The following PCDHA1 variants were observed in gnomAD, a reference collection of about 807,000 sequenced individuals.
PCDHA1 encodes the protein protocadherin alpha 1.
In PCDHA1, 42 loss-of-function variants were observed where a neutral mutation model predicts 61.3. That is an observed-to-expected ratio of 0.69 (90% CI 0.54 to 0.89). PCDHA1 has a LOEUF of 0.89. Among genes scored for constraint, PCDHA1 ranks in the 40% least tolerant of loss-of-function variants. PCDHA1 has a pLI of 0.00. For synonymous variants in PCDHA1, 610 were observed against 553.8 expected (o/e 1.10, Z -1.43); for missense variants, 1,256 against 1,235.3 (o/e 1.02, Z -0.25).
intron 1 of PCDHA1, among the ~76,000 whole-genome samples, chr5:140,939,634 G>C (rs1032922800): frequency 3.9e-5 from 6 of 152,066 alleles, no homozygotes; most frequent in African/African-American, 7.2e-5. Context: ...AATCAATAAG[G>C]GTACTGAAAA....
At chr5:140,795,602 T>A (rs1761973862) in intron 1 of PCDHA1, 1 of 1,614,026 alleles carries the variant, frequency 6.2e-7, no homozygotes, top group African/African-American at 1.3e-5. Flanking sequence ...TTGTTACTGG[T>A]GGCTACTGAT....
intron 1 of PCDHA1, among the ~76,000 whole-genome samples, chr5:140,915,921 T>C (rs2077370703): frequency 6.6e-6 from 1 of 152,286 alleles, no homozygotes; most frequent in African/African-American, 2.4e-5. Context: ...GAGATGCTAC[T>C]TGGGAGTCAG....
intron 3 of PCDHA1, among the ~76,000 whole-genome samples, chr5:140,993,460 T>TCACACACACA (rs1554253699): frequency 5.7e-5 from 6 of 104,506 alleles, no homozygotes; most frequent in African/African-American, 7.8e-5. Flanking sequence ...CTTCTTTCTT[T>TCACACACACA]CTCACACACA....
chr5:140,992,017 C>CTGTGTG (rs10602499), intron 3 of PCDHA1, among the ~76,000 whole-genome samples: 2,290 of 145,594 alleles, frequency 0.016, 56 homozygotes, highest in African/African-American at 0.05. Flanking sequence ...AGAGGTGGCT[C>CTGTGTG]TGTGTGTGTG....
At chr5:140,858,197 A>G (rs782680459) in intron 1 of PCDHA1, 4 of 1,597,058 alleles carry the variant, frequency 2.5e-6, no homozygotes, top group Non-Finnish European at 2.6e-6. Flanking sequence ...GCTGCTGTAC[A>G]CTGCACTGAG....
At chr5:140,828,836 G>A (rs1554131583) in intron 1 of PCDHA1, 19 of 1,614,108 alleles carry the variant, frequency 1.2e-5, no homozygotes, top group Non-Finnish European at 1.5e-5. Context: ...TGAATACGAA[G>A]TAAGAATATT....
chr5:140,967,019 C>T (rs887648506), intron 1 of PCDHA1: 1 of 1,607,542 alleles, frequency 6.2e-7, no homozygotes, highest in Non-Finnish European at 8.5e-7. Flanking sequence ...TCTGGGTGCG[C>T]CCAGTCCGCG....
intron 1 of PCDHA1, among the ~76,000 whole-genome samples, chr5:140,886,962 G>A (rs1017446014): frequency 6.6e-6 from 1 of 151,842 alleles, no homozygotes; most frequent in African/African-American, 2.4e-5. Context: ...ATTTAGCAAC[G>A]AAATTTATTA....
intron 1 of PCDHA1, among the ~76,000 whole-genome samples, chr5:140,943,364 C>T (rs1463652865): frequency 6.6e-6 from 1 of 150,620 alleles, no homozygotes; most frequent in Non-Finnish European, 1.5e-5. Context: ...GAAAGGAGAT[C>T]ATTAAAATAT....
At chr5:140,907,093 C>A (rs1303875069) in intron 1 of PCDHA1, among the ~76,000 whole-genome samples, 2 of 152,090 alleles carry the variant, frequency 1.3e-5, no homozygotes, top group Non-Finnish European at 2.9e-5. Flanking sequence ...GTAAGTGGTG[C>A]CACTTCCACT....
chr5:140,862,862 C>T (rs782494104), intron 1 of PCDHA1: 1 of 507,446 alleles, frequency 2.0e-6, no homozygotes, highest in African/African-American at 3.1e-5. Flanking sequence ...AGCAATGTGA[C>T]GCTGCCAGGT....
chr5:140,946,031 G>A (rs1275615718), intron 1 of PCDHA1, among the ~76,000 whole-genome samples: 2 of 151,984 alleles, frequency 1.3e-5, no homozygotes, highest in African/African-American at 2.4e-5. Flanking sequence ...AAGAAAACAA[G>A]AGTGAAGGGA....
At chr5:140,843,559 G>A in intron 1 of PCDHA1, 1 of 1,595,950 alleles carries the variant, frequency 6.3e-7, no homozygotes, top group Non-Finnish European at 8.6e-7. Flanking sequence ...GTGCGGTGGG[G>A]AGCTGGTCAT....
intron 1 of PCDHA1, chr5:140,796,378 T>G: frequency 6.2e-7 from 1 of 1,613,502 alleles, no homozygotes; most frequent in Non-Finnish European, 8.5e-7. Context: ...CCCGCCGGGC[T>G]GCCACATCTT....
chr5:140,869,722 G>A, intron 1 of PCDHA1: 2 of 1,613,324 alleles, frequency 1.2e-6, no homozygotes, highest in Non-Finnish European at 1.7e-6. Flanking sequence ...GAAAACTCCG[G>A]AACTTAATTT....
At chr5:140,927,679 G>A (rs782403424) in intron 1 of PCDHA1, 11 of 1,614,188 alleles carry the variant, frequency 6.8e-6, no homozygotes, top group Non-Finnish European at 5.1e-6. Flanking sequence ...TCCAGATGAA[G>A]GGTCCAATGG....
intron 1 of PCDHA1, chr5:140,852,664 G>A (rs1307508258): frequency 4.1e-6 from 4 of 964,750 alleles, no homozygotes; most frequent in African/African-American, 1.8e-5. Flanking sequence ...CTGTCTATCA[G>A]CACAACTCAC....
Position 140,829,328 on chromosome 5 carries a change from C to G in PCDHA1, c.2394+40644C>G, listed in dbSNP as rs2150165969. 2.5e-6 allele frequency: 4 copies of G among 1,614,244 alleles called. No individual in the cohort carries two copies. In the Admixed American group the frequency reaches 6.7e-5, roughly 27 times the overall value. ...CTACTCGTTGGTGCTGGACAGTGCC[C>G]TGGACCGCGAGAGCGTGTCGGCCTA... On this transcript the variant is annotated intron_variant, in intron 1 of 3. Coordinates refer to ENST00000504120, the MANE Select transcript of PCDHA1 (RefSeq NM_018900.4).
intron 1 of PCDHA1, chr5:140,877,297 T>C (rs782559386): frequency 6.2e-7 from 1 of 1,613,924 alleles, no homozygotes; most frequent in East Asian, 2.2e-5. Context: ...TTGGCTGTCC[T>C]ACGAGTTGCA....
Sources: allele counts gnomAD v4.1 joint callset (sites outside exome capture counted in the v4.1 genomes callset), GRCh38; gene constraint gnomAD v4.1.1; transcripts MANE v1.5; gene names NCBI Gene and HGNC (gene_info 2026-07-23, HGNC 2026-07-21).